The following FAM83H variants were observed in gnomAD, a reference collection of about 807,000 sequenced individuals.
FAM83H encodes scaffolding CK1 anchoring protein H.
Under a neutral mutation model 30.2 loss-of-function variants are expected in FAM83H, and 24 were observed. That is an observed-to-expected ratio of 0.79 (90% CI 0.57 to 1.12). The LOEUF (loss-of-function observed/expected upper bound fraction) is 1.12. Among genes scored for constraint, FAM83H ranks in the 50% most tolerant of loss-of-function variants. The pLI is 0.00. For missense variants in FAM83H, 2,038 were observed against 1,773.9 expected, an observed-to-expected ratio of 1.15 and a Z score of -2.67; for synonymous variants, 1,013 against 821.7, an observed-to-expected ratio of 1.23 and a Z score of -3.98.
At position 143,733,472 on chromosome 8, in the gene FAM83H, G is replaced by A. The variant is rs918095111; in HGVS notation, c.-16+219C>T. 4.6e-5 allele frequency among the ~76,000 whole-genome samples: 7 copies of A among 152,074 alleles called. No individual in the cohort carries two copies. Among genetic ancestry groups the A allele is most frequent in the Non-Finnish European group, 8.8e-5 (6 of 67,984 alleles). On this transcript the variant is annotated intron_variant, in intron 1 of 4. Coordinates refer to ENST00000388913, the MANE Select transcript of FAM83H (RefSeq NM_198488.5). This position sits in a 1 kb window ranked among gnomAD's most constrained non-coding sequence, Gnocchi z 5.6. ...CTTTTCGGGCCGGCGTCGTGCGGGG[G>A]CGCTCGCGTCCATATCCGCACAGCG...
chr8:143,730,393 C>G lies in FAM83H; in HGVS notation c.190G>C (p.Val64Leu), dbSNP rs1287739289. The G allele has an allele frequency of 1.2e-6, 2 of 1,613,432 alleles. No individual in the cohort carries two copies. Among genetic ancestry groups the G allele is most frequent in the Middle Eastern group, 1.7e-4 (1 of 6,048 alleles). The change falls in exon 2 of 5, where the codon GTG becomes CTG. Residue 64 changes from valine to leucine, a missense_variant. Transcript: ENST00000388913. ...DFLCPEELEHVSRHLRPPQYV... is the reference protein window; with the variant it reads ...DFLCPEELEHLSRHLRPPQYV... ...TGCGGAGGCCGAAGGTGTCGGCTCA[C>G]ATGTTCCAGCTCTTCAGGGCACAGG...
chr8:143,728,369 C>T lies in FAM83H; in HGVS notation c.1092G>A (p.Gly364=). 2 of 1,544,140 alleles carry T rather than the reference C, an allele frequency of 1.3e-6. No homozygotes were observed. The highest frequency in any genetic ancestry group is 1.7e-6 in the Non-Finnish European group (2 of 1,143,776). ...FRREEPPRMP[G]GALEPHAGLR... is the part of the protein sequence containing the mutation. ...GCCCCGCGTGCGGTTCCAGCGCGCCCCCCGGCATCCGCGGCGGCTCCTCCC... is the reference window on the plus strand; with the variant it reads ...GCCCCGCGTGCGGTTCCAGCGCGCCTCCCGGCATCCGCGGCGGCTCCTCCC... Residue 364 remains glycine, a synonymous_variant, in exon 5 of 5, where the codon GGG becomes GGA. Transcript: ENST00000388913.
chr8:143,728,352 T>A lies in FAM83H; in HGVS notation c.1109A>T (p.His370Leu). 6.5e-7 allele frequency: 1 copy of A among 1,532,194 alleles called. No homozygotes were observed. Among genetic ancestry groups the A allele is most frequent in the East Asian group, 2.5e-5 (1 of 39,588 alleles). The allele number at this position is 1,532,194 out of a possible 1,614,324, so 94.9% of individuals were successfully genotyped here. A position where few individuals can be genotyped will look rare whatever the true frequency, so the allele number is the denominator to read the frequency against. The change falls in exon 5 of 5, where the codon CAC becomes CTC. Residue 370 changes from histidine (H) to leucine (L), a missense_variant. His to Leu is a moderately conservative substitution (Grantham distance 99). Transcript: ENST00000388913. ...CCGCGAGAGCGGCCGCAGCCCCGCG[T>A]GCGGTTCCAGCGCGCCCCCCGGCAT... is the stretch of plus-strand genomic sequence containing the variant. Reference protein sequence around the residue: ...PRMPGGALEPHAGLRPLSRRL... With the variant: ...PRMPGGALEPLAGLRPLSRRL...
rs1563755135 is a variant in FAM83H at position 143,724,262 on chromosome 8, C to G, written c.*1659G>C. ...CTGTGCAGGAGTGAAAGTGGGGTCA[C>G]TTTCCTTCCTTTCCCAGCTGCTGGA... On this transcript the variant is annotated 3_prime_UTR_variant, in exon 5 of 5. Coordinates refer to ENST00000388913, the MANE Select transcript of FAM83H (RefSeq NM_198488.5). 6.6e-6 allele frequency: 1 copy of G among 152,324 alleles called. No homozygotes were observed. The highest frequency in any genetic ancestry group is 1.9e-4 in the East Asian group (1 of 5,184). The allele number at this position is 152,324 out of a possible 1,614,324, so 9.4% of individuals were successfully genotyped here.
chr8:143,731,746 G>A (rs369867289), intron 1 of FAM83H: 5 of 985,444 alleles, frequency 5.1e-6, no homozygotes, highest in Middle Eastern at 5.2e-4. Flanking sequence ...CCCCATCCAG[G>A]GCAGCAGGGA....
rs374727482 is a variant in FAM83H, at chr8:143,726,845, G to A, written c.2616C>T (p.Thr872=). ...VLHNESKGSP[T]SAYPERKGSP... ...TCCCCTTCCGCTCAGGGTAAGCCGA[G>A]GTGGGGCTCCCTTTTGACTCATTAT... is the stretch of plus-strand genomic sequence containing the variant. The change falls in exon 5 of 5, where the codon ACC becomes ACT. Residue 872 remains threonine (T), a synonymous_variant. Transcript: ENST00000388913. 6.2e-7 allele frequency: 1 copy of A among 1,613,066 alleles called. No homozygotes were observed. Among genetic ancestry groups the A allele is most frequent in the South Asian group, 1.1e-5 (1 of 91,082 alleles).
chr8:143,726,548 C>G lies in FAM83H; in HGVS notation c.2913G>C (p.Gln971His), dbSNP rs781928465. ...GCCGCTCGCCCTTGGGGCTCAGCAGCTGCCTAAGACGCAAGGAGCCTTTGC... is the reference window on the plus strand; with the variant it reads ...GCCGCTCGCCCTTGGGGCTCAGCAGGTGCCTAAGACGCAAGGAGCCTTTGC... ...VLRKGSLRLR[Q>H]LLSPKGERRM... The change falls in exon 5 of 5, where the codon CAG (glutamine) becomes CAC (histidine). Residue 971 changes from glutamine to histidine, a missense_variant. Coordinates refer to ENST00000388913, the MANE Select transcript of FAM83H (RefSeq NM_198488.5). 12 of 1,603,906 alleles carry G rather than the reference C, an allele frequency of 7.5e-6. No individual in the cohort carries two copies. The African/African-American group carries it at 1.6e-4, about 21-fold the overall frequency.
rs539440652 is a variant in FAM83H, at chr8:143,731,547, ACTCCGTCCCTGTCTCCCAGCACCCC to A, written c.-15-975_-15-951del. ...CCAGTCCTGGAACACTGATCCCTAGACTCCGTCCCTGTCTCCCAGCACCCCCTCCTTCCCTTGGCCTACCTTTGAC... is the reference window on the plus strand; with the variant it reads ...CCAGTCCTGGAACACTGATCCCTAGACTCCTTCCCTTGGCCTACCTTTGAC... On this transcript the variant is annotated intron_variant, in intron 1 of 4. Coordinates refer to ENST00000388913, the MANE Select transcript of FAM83H (RefSeq NM_198488.5). 1.2e-4 allele frequency: 114 copies of A among 984,868 alleles called. No homozygotes were observed. The African/African-American group carries it at 1.4e-3, about 12-fold the overall frequency. 61.0% of individuals were successfully genotyped at this position (984,868 alleles called of 1,614,324 possible).
Position 143,728,866 on chromosome 8 carries a change from G to C in FAM83H, c.737+101C>G. ...GGCTAGGCTGTGCAGGGGTCTACAGGACAAGGGCTCCTGGCGAGGAGGGCC... is the reference window on the plus strand; with the variant it reads ...GGCTAGGCTGTGCAGGGGTCTACAGCACAAGGGCTCCTGGCGAGGAGGGCC... On this transcript the variant is annotated intron_variant, in intron 4 of 4. Coordinates refer to ENST00000388913, the MANE Select transcript of FAM83H (RefSeq NM_198488.5). 1.9e-6 allele frequency: 3 copies of C among 1,601,830 alleles called. No individual in the cohort carries two copies. The South Asian group carries it at 3.3e-5, about 18-fold the overall frequency.
rs1554621673 is a variant in FAM83H at position 143,726,275 on chromosome 8, G to A, written c.3186C>T (p.Pro1062=). The change falls in exon 5 of 5, where the codon CCC becomes CCT. Residue 1062 remains proline (P), a synonymous_variant. Transcript: ENST00000388913. ...GCTCGGGGCTGTTGTGGGTCGGGCC[G>A]GGGCTCGGGGCAGGGACCGCACGGT... The part of the protein sequence containing the change: ...QKHRAVPAPS[P]GPTHNSPELG... The A allele has an allele frequency of 1.9e-6, 3 of 1,612,124 alleles. No homozygotes were observed. Among genetic ancestry groups the A allele is most frequent in the Non-Finnish European group, 2.5e-6 (3 of 1,179,694 alleles).
rs782570872 is a variant in FAM83H, at chr8:143,728,097, T to C, written c.1364A>G (p.Gln455Arg). The C allele has an allele frequency of 2.5e-6, 4 of 1,610,796 alleles. No homozygotes were observed. The East Asian group carries it at 8.9e-5, about 36-fold the overall frequency. ...TSHFHRDQLYQQQYQWDPQLT... is the reference protein window; with the variant it reads ...TSHFHRDQLYRQQYQWDPQLT... ...CTGCGGGTCCCACTGGTACTGCTGC[T>C]GGTAGAGCTGGTCACGGTGGAAGTG... is the stretch of plus-strand genomic sequence containing the variant. Residue 455 changes from glutamine (Q) to arginine (R), a missense_variant, in exon 5 of 5, where the codon CAG becomes CGG. Gln to Arg is a conservative substitution (Grantham distance 43). Transcript: ENST00000388913.
chr8:143,732,072 G>A (rs12681370), intron 1 of FAM83H: 735,841 of 985,200 alleles, frequency 0.75, 282,470 homozygotes, highest in Non-Finnish European at 0.79. Flanking sequence ...GCCCCTGGGC[G>A]CTGACAGGAT....
rs934647155 is a variant in FAM83H at position 143,732,652 on chromosome 8, T to G, written c.-16+1039A>C. On this transcript the variant is annotated intron_variant, in intron 1 of 4. Coordinates refer to ENST00000388913, the MANE Select transcript of FAM83H (RefSeq NM_198488.5). Reference sequence around the variant, plus strand: ...GACATGCCTCGTCCTCACAGGGTGATGCCCAGACCTCCAACTGCTTCATTC... The same window carrying G: ...GACATGCCTCGTCCTCACAGGGTGAGGCCCAGACCTCCAACTGCTTCATTC... 9 of 985,278 alleles carry G rather than the reference T, an allele frequency of 9.1e-6. No individual in the cohort carries two copies. In the Middle Eastern group the frequency reaches 1.5e-3, roughly 170 times the overall value. 61.0% of individuals were successfully genotyped at this position (985,278 alleles called of 1,614,324 possible). A position where few individuals can be genotyped will look rare whatever the true frequency, so the allele number is the denominator to read the frequency against.
intron 4 of FAM83H, 51 bp from the exon 5 acceptor site, chr8:143,728,774 C>A (rs782721873): frequency 3.8e-6 from 6 of 1,598,338 alleles, no homozygotes; most frequent in African/African-American, 1.3e-5. Flanking sequence ...GAGGGCACTG[C>A]AGCCCCGTGG....
rs1272345829 is a variant in FAM83H, at chr8:143,726,058, G to A, written c.3403C>T (p.Arg1135Cys). Residue 1135 changes from arginine to cysteine, a missense_variant, in exon 5 of 5, where the codon CGC (arginine) becomes TGC (cysteine). Transcript: ENST00000388913. ...SMRKEKRVYS[R>C]FEVFCKKEEA... ...TCTTTCTTGCAGAAGACCTCGAAGC[G>A]GCTGTACACGCGCTTCTCCTTGCGC... The A allele has an allele frequency of 5.0e-6, 8 of 1,612,246 alleles. No individual in the cohort carries two copies. Among genetic ancestry groups the A allele is most frequent in the Admixed American group, 3.3e-5 (2 of 59,912 alleles).
chr8:143,730,875 C>G (rs1818492507), intron 1 of FAM83H, among the ~76,000 whole-genome samples: 1 of 152,300 alleles, frequency 6.6e-6, no homozygotes, highest in East Asian at 1.9e-4. Context: ...AGGAGGACTG[C>G]TTGAAGCCAG....
Position 143,728,492 on chromosome 8 carries a change from A to G in FAM83H, c.969T>C (p.Pro323=). 6.4e-7 allele frequency: 1 copy of G among 1,555,390 alleles called. No homozygotes were observed. The highest frequency in any genetic ancestry group is 8.7e-7 in the Non-Finnish European group (1 of 1,149,510). The change falls in exon 5 of 5, where the codon CCT becomes CCC. Residue 323 remains proline (P), a synonymous_variant. Coordinates refer to ENST00000388913, the MANE Select transcript of FAM83H (RefSeq NM_198488.5). Reference sequence around the variant, plus strand: ...GCGGGAACAGGAGGTGCGCTCGTTTAGGGAAGGAGAAGGGGGTTGGCGCCC... The same window carrying G: ...GCGGGAACAGGAGGTGCGCTCGTTTGGGGAAGGAGAAGGGGGTTGGCGCCC... ...GVGAPTPFSF[P]KRAHLLFPPP...
intron 1 of FAM83H, among the ~76,000 whole-genome samples, chr8:143,730,948 A>G (rs1384712993): frequency 7.2e-5 from 11 of 152,162 alleles, no homozygotes; most frequent in Non-Finnish European, 5.9e-5. Flanking sequence ...TTTAAACATT[A>G]GGCAGGCATG....
At position 143,726,668 on chromosome 8, in the gene FAM83H, C is replaced by T. The variant is rs370284848; in HGVS notation, c.2793G>A (p.Pro931=). 23 of 1,595,436 alleles carry T rather than the reference C, an allele frequency of 1.4e-5. No individual in the cohort carries two copies. Among genetic ancestry groups the T allele is most frequent in the African/African-American group, 5.4e-5 (4 of 74,084 alleles). ...TAAGGGTGAGGCTGCCCCTGCGCTC[C>T]GGCACGGGGGGCACCGGACTGCTCC... ...ERRSSPVPPV[P]ERRGSLTLTI... The change falls in exon 5 of 5, where the codon CCG becomes CCA. Residue 931 remains proline, a synonymous_variant. Transcript: ENST00000388913.
Sources: gnomAD v4.1 joint callset for allele counts (sites outside exome capture counted in the v4.1 genomes callset) on GRCh38, gnomAD v4.1.1 for gene constraint, Gnocchi (gnomAD v3.1) non-coding constraint, MANE v1.5 for transcripts, NCBI Gene and HGNC (gene_info 2026-07-23, HGNC 2026-07-21) for gene names.